AASS: variants seen among roughly 807,000 people sequenced by gnomAD.
The protein encoded by AASS is alpha-aminoadipic semialdehyde synthase, mitochondrial.
A neutral mutation model predicts 105.4 loss-of-function variants in AASS; 86 were observed. The ratio of observed to expected loss-of-function variants is 0.82; its 90% CI spans 0.69 to 0.98. The LOEUF (loss-of-function observed/expected upper bound fraction) is 0.98, where lower values mean the gene tolerates loss of function less well. Ranked by LOEUF, AASS falls within the 50% of genes least tolerant of loss-of-function variation. The pLI is 0.00. For synonymous variants in AASS, 381 were observed against 394.8 expected (o/e 0.96, Z 0.41); for missense variants, 1,048 against 1,143.2 (o/e 0.92, Z 1.20).
intron 1 of AASS, 136 bp from the exon 2 acceptor site, chr7:122,133,877 A>T (rs909089730): frequency 6.4e-5 from 51 of 791,592 alleles, no homozygotes; most frequent in Non-Finnish European, 1.0e-4. Context: ...GAGGGAAGGG[A>T]AAACTGGGAT....
chr7:122,106,031 G>A (rs1794650439), intron 11 of AASS, among the ~76,000 whole-genome samples: 2 of 152,088 alleles, frequency 1.3e-5, no homozygotes, highest in South Asian at 4.1e-4. Context: ...TGTTGTTGGT[G>A]TGTTGAAATG....
rs1584803985 is a variant in AASS at position 122,078,939 on chromosome 7, A to G, written c.2408T>C (p.Leu803Pro). ...TGCCTGAGGAACTTGTTCATCCCCAAGTAAGCCCAACCTGAAAAGCACAGG... is the reference window on the plus strand; with the variant it reads ...TGCCTGAGGAACTTGTTCATCCCCAGGTAAGCCCAACCTGAAAAGCACAGG... The part of the protein sequence containing the change: ...QLEAAEWLGL[L>P]GDEQVPQAES... The change falls in exon 22 of 24, where the codon CTT becomes CCT. Residue 803 changes from leucine (L) to proline (P), a missense_variant. Physicochemically the swap from Leu to Pro is moderately conservative, Grantham distance 98. Transcript: ENST00000417368. 5 of 1,614,158 alleles carry G rather than the reference A, an allele frequency of 3.1e-6. No homozygotes were observed. The highest frequency in any genetic ancestry group is 2.5e-6 in the Non-Finnish European group (3 of 1,180,010).
At chr7:122,121,298 C>T (rs939304184) in intron 4 of AASS, among the ~76,000 whole-genome samples, 2 of 152,132 alleles carry the variant, frequency 1.3e-5, no homozygotes, top group Non-Finnish European at 2.9e-5. Flanking sequence ...TTCCTTTTCA[C>T]CTGTCCATCA....
intron 3 of AASS, among the ~76,000 whole-genome samples, chr7:122,127,182 C>A (rs923878365): frequency 2.6e-5 from 4 of 152,078 alleles, no homozygotes; most frequent in Admixed American, 2.0e-4. Context: ...CTCTCCTTTT[C>A]TCATATTCCA....
chr7:122,095,584 A>T (rs998850438), intron 15 of AASS, among the ~76,000 whole-genome samples: 2 of 83,030 alleles, frequency 2.4e-5, no homozygotes, highest in Non-Finnish European at 5.1e-5. Flanking sequence ...TACTTCATAA[A>T]AAAAAAAAAA....
intron 18 of AASS, among the ~76,000 whole-genome samples, chr7:122,090,486 T>G (rs1377071960): frequency 1.3e-5 from 2 of 152,180 alleles, no homozygotes; most frequent in Non-Finnish European, 2.9e-5. Context: ...ATAACAGCAT[T>G]CACCTTGTTG....
chr7:122,142,115 G>A (rs1227729606), intron 1 of AASS, among the ~76,000 whole-genome samples: 1 of 152,136 alleles, frequency 6.6e-6, no homozygotes, highest in Non-Finnish European at 1.5e-5. Context: ...TTTCTCTCCT[G>A]GGTTCCTCAG....
chr7:122,124,897 T>C (rs1020017957), intron 4 of AASS, among the ~76,000 whole-genome samples: 4 of 152,158 alleles, frequency 2.6e-5, no homozygotes, highest in Non-Finnish European at 4.4e-5. Context: ...AGGAAAGATA[T>C]GAGGTGAGTG....
At chr7:122,138,447 G>C (rs1006684834) in intron 1 of AASS, among the ~76,000 whole-genome samples, 2 of 152,128 alleles carry the variant, frequency 1.3e-5, no homozygotes, top group Non-Finnish European at 2.9e-5. Flanking sequence ...ACAATATACT[G>C]TAATAAAAGT....
intron 11 of AASS, among the ~76,000 whole-genome samples, chr7:122,102,765 A>C (rs1461910476): frequency 6.6e-6 from 1 of 151,994 alleles, no homozygotes. Flanking sequence ...AAAACAAAGA[A>C]TATATTATCT....
intron 17 of AASS, among the ~76,000 whole-genome samples, chr7:122,092,257 T>C (rs983140377): frequency 6.6e-6 from 1 of 152,008 alleles, no homozygotes; most frequent in Admixed American, 6.6e-5. Context: ...AAAGGTACTA[T>C]TTCATAAAAG....
Position 122,126,411 on chromosome 7 carries a change from G to A in AASS, c.436C>T (p.Arg146Trp), listed in dbSNP as rs141405677. ...YEKMVDHRGV[R>W]VVAFGQWAGV... ...GCCCACTGTCCAAATGCCACTACCC[G>A]TACTCCTCTATGATCCACCATTTTC... Residue 146 changes from arginine to tryptophan, a missense_variant, in exon 4 of 24, where the codon CGG (arginine) becomes TGG (tryptophan). Coordinates refer to ENST00000417368, the MANE Select transcript of AASS (RefSeq NM_005763.4). 1.1e-5 allele frequency: 18 copies of A among 1,613,680 alleles called. No homozygotes were observed. Among genetic ancestry groups the A allele is most frequent in the East Asian group, 2.2e-5 (1 of 44,876 alleles).
intron 13 of AASS, among the ~76,000 whole-genome samples, chr7:122,101,075 A>G (rs1383186158): frequency 6.6e-6 from 1 of 151,866 alleles, no homozygotes; most frequent in East Asian, 1.9e-4. Context: ...ATCAAAAGCT[A>G]GAGAAAAACA....
rs569016885 is a variant in AASS at position 122,080,260 on chromosome 7, G to C, written c.2281-548C>G. 2.6e-5 allele frequency among the ~76,000 whole-genome samples: 4 copies of C among 152,288 alleles called. No homozygotes were observed. The East Asian group carries it at 5.8e-4, about 22-fold the overall frequency. Reference sequence around the variant, plus strand: ...TTCCCAAAGGAAAAGCTATGCTCTAGATCAGGAGTCAACAAACTGGTTCAC... The same window carrying C: ...TTCCCAAAGGAAAAGCTATGCTCTACATCAGGAGTCAACAAACTGGTTCAC... On this transcript the variant is annotated intron_variant, in intron 20 of 23. Coordinates refer to ENST00000417368, the MANE Select transcript of AASS (RefSeq NM_005763.4).
chr7:122,113,857 C>T (rs1795045914), intron 9 of AASS, 137 bp from the exon 10 acceptor site: 1 of 883,396 alleles, frequency 1.1e-6, no homozygotes, highest in African/African-American at 1.7e-5. Context: ...TTTCCTATAG[C>T]TCATTCTTCA....
At chr7:122,087,669 C>T (rs1332862833) in intron 18 of AASS, among the ~76,000 whole-genome samples, 1 of 152,126 alleles carries the variant, frequency 6.6e-6, no homozygotes, top group Non-Finnish European at 1.5e-5. Context: ...TGAGAATAGC[C>T]TGAGCGACAC....
intron 15 of AASS, among the ~76,000 whole-genome samples, chr7:122,094,311 A>G (rs1354122329): frequency 6.6e-6 from 1 of 152,076 alleles, no homozygotes; most frequent in Non-Finnish European, 1.5e-5. Context: ...CCTGTGGGCC[A>G]CAGAATAAAT....
intron 1 of AASS, among the ~76,000 whole-genome samples, chr7:122,140,500 A>AAAAAAAAAAAAAAAAAAAAT (rs1796342645): frequency 6.7e-6 from 1 of 149,454 alleles, no homozygotes; most frequent in Non-Finnish European, 1.5e-5. Flanking sequence ...AAAAAAAAAA[A>AAAAAAAAAAAAAAAAAAAAT]AAAAAAAAGA....
chr7:122,136,636 G>C (rs942934266), intron 1 of AASS, among the ~76,000 whole-genome samples: 1 of 152,104 alleles, frequency 6.6e-6, no homozygotes, highest in Non-Finnish European at 1.5e-5. Context: ...CAATTCCAAA[G>C]ATAGTGATTC....
Sources: gnomAD v4.1 joint callset for allele counts (sites outside exome capture counted in the v4.1 genomes callset) on GRCh38, gnomAD v4.1.1 for gene constraint, MANE v1.5 for transcripts, NCBI Gene and HGNC (gene_info 2026-07-23, HGNC 2026-07-21) for gene names.